AKR1C2: variants seen among roughly 807,000 people sequenced by gnomAD.
The protein encoded by AKR1C2 is aldo-keto reductase family 1 member C2.
In AKR1C2, 27 loss-of-function variants were observed where a neutral mutation model predicts 39.8. The observed-to-expected ratio is 0.68, with a 90% CI of 0.50 to 0.93. The LOEUF is 0.93. Ranked by LOEUF, AKR1C2 falls within the 40% of genes least tolerant of loss-of-function variation. The pLI is 0.00. For synonymous variants in AKR1C2, 114 were observed against 137.9 expected (o/e 0.83, Z 1.22); for missense variants, 263 against 365.1 (o/e 0.72, Z 2.28).
chr10:5,011,575 G>A (rs1280774389), intron 1 of AKR1C2, among the ~76,000 whole-genome samples: 1 of 152,176 alleles, frequency 6.6e-6, no homozygotes, highest in Non-Finnish European at 1.5e-5. Flanking sequence ...CTGGCTGCAC[G>A]CACATTGATC....
Position 4,999,193 on chromosome 10 carries a change from C to T in AKR1C2, c.447+7G>A. The T allele has an allele frequency of 1.2e-6, 2 of 1,604,720 alleles. No homozygotes were observed. The highest frequency in any genetic ancestry group is 2.2e-5 in the East Asian group (1 of 44,766). On this transcript the variant is annotated splice_region_variant and intron_variant, in intron 4 of 8. Transcript: ENST00000380753. ...TCTTATCCGTTCTCTCACCTCCAAA[C>T]ACTCACCTCCCATGTGGCACAGAGA...
In AKR1C2 at chr10:5,012,801, C is replaced by G. The variant is rs1365811180; in HGVS notation, c.-88+5099G>C. 2.0e-5 allele frequency among the ~76,000 whole-genome samples: 3 copies of G among 152,206 alleles called. No individual in the cohort carries two copies. In the East Asian group the frequency reaches 5.8e-4, roughly 29 times the overall value. On this transcript the variant is annotated intron_variant, in intron 1 of 6. Transcript: ENST00000604507. Reference sequence around the variant, plus strand: ...TCAAACGTGATTCAGCAATTCTCATCTCTCTCCTGCATCATCAATTTTTCT... The same window carrying G: ...TCAAACGTGATTCAGCAATTCTCATGTCTCTCCTGCATCATCAATTTTTCT...
chr10:5,017,974 G>A (rs1485412125), upstream of AKR1C2: 1 of 152,010 alleles, frequency 6.6e-6, no homozygotes, highest in East Asian at 1.9e-4. Flanking sequence ...GAGAGAGAGA[G>A]AGAAGGTGGA....
At chr10:4,994,303 A>G (rs1400888345) in intron 7 of AKR1C2, among the ~76,000 whole-genome samples, 1 of 152,064 alleles carries the variant, frequency 6.6e-6, no homozygotes, top group Non-Finnish European at 1.5e-5. Context: ...ATAACTATTG[A>G]TATATTATTT....
Position 4,988,841 on chromosome 10 carries a change from T to G in AKR1C2, c.*1155A>C, listed in dbSNP as rs574604440. On this transcript the variant is annotated 3_prime_UTR_variant, in exon 9 of 9. Coordinates refer to ENST00000380753, the MANE Select transcript of AKR1C2 (RefSeq NM_001393392.1). ...CTTCATGATTAGCTGATTTGATTAGTTCCCCTGAAAATTATGTATAAGAAT... is the reference window on the plus strand; with the variant it reads ...CTTCATGATTAGCTGATTTGATTAGGTCCCCTGAAAATTATGTATAAGAAT... The G allele has an allele frequency of 0.075, 10,823 of 144,590 alleles. 590 individuals are homozygous for G. Among genetic ancestry groups the G allele is most frequent in the African/African-American group, 0.12 (4,818 of 39,456 alleles). 9.0% of individuals were successfully genotyped at this position (144,590 alleles called of 1,614,324 possible). A position where few individuals can be genotyped will look rare whatever the true frequency, so the allele number is the denominator to read the frequency against.
At chr10:4,999,736 T>C (rs562573699) in intron 3 of AKR1C2, 2 of 195,940 alleles carry the variant, frequency 1.0e-5, no homozygotes, top group South Asian at 2.8e-4. Flanking sequence ...TTTTCCAGGC[T>C]AGTTTGGAAA....
intron 4 of AKR1C2, 50 bp downstream of exon 4, chr10:4,999,150 T>C (rs1462572195): frequency 2.7e-6 from 4 of 1,474,928 alleles, no homozygotes; most frequent in Non-Finnish European, 3.7e-6. Context: ...AGGAAACAGA[T>C]GTATCCTACC....
At chr10:5,011,511 G>A (rs371647794) in intron 1 of AKR1C2, among the ~76,000 whole-genome samples, 5 of 152,198 alleles carry the variant, frequency 3.3e-5, no homozygotes, top group East Asian at 3.9e-4. Context: ...CTCTGGTGTA[G>A]GATTTTAGCT....
chr10:5,002,214 T>A (rs1336868582), intron 1 of AKR1C2, among the ~76,000 whole-genome samples: 8 of 152,198 alleles, frequency 5.3e-5, no homozygotes, highest in African/African-American at 1.9e-4. Context: ...ACTGGATACA[T>A]TGACTCACTC....
rs1463942772 is a variant in AKR1C2 at position 5,001,373 on chromosome 10, G to A, written c.252+141C>T. 17 of 1,436,482 alleles carry A rather than the reference G, an allele frequency of 1.2e-5. 1 individual carries two copies. In the South Asian group the frequency reaches 2.5e-4, roughly 21 times the overall value. 89.0% of individuals were successfully genotyped at this position (1,436,482 alleles called of 1,614,324 possible). On this transcript the variant is annotated intron_variant, in intron 2 of 8. Transcript: ENST00000380753. ...TCTTCACTTCCTGCCTTTGATATTA[G>A]TTTTAATACATGAGTAAGTGTGAAT...
At chr10:4,999,411 A>C (rs34371823) in intron 3 of AKR1C2, 134 bp from the exon 4 acceptor site, 2 of 1,591,152 alleles carry the variant, frequency 1.3e-6, no homozygotes, top group Non-Finnish European at 1.7e-6. Context: ...GGTATGTACA[A>C]AGTGTACTAC....
chr10:4,996,841 TAAA>T (rs1326641078), intron 5 of AKR1C2, among the ~76,000 whole-genome samples: 3 of 151,962 alleles, frequency 2.0e-5, no homozygotes, highest in Admixed American at 6.5e-5. Flanking sequence ...AACAAGTGGT[TAAA>T]ATTGTAAATG....
intron 5 of AKR1C2, chr10:4,997,185 C>T (rs1837083990): frequency 6.6e-6 from 1 of 152,172 alleles, no homozygotes. Context: ...ATTTTCTTGC[C>T]CCAAAGTTTT....
chr10:4,989,825 A>T lies in AKR1C2; in HGVS notation c.*171T>A. On this transcript the variant is annotated 3_prime_UTR_variant, in exon 9 of 9. Coordinates refer to ENST00000380753, the MANE Select transcript of AKR1C2 (RefSeq NM_001393392.1). ...TTTAATTTTTTCAAAATGAAAAACA[A>T]AATTATTGTCTTTCTTTTCCGGCCG... 2 of 1,029,924 alleles carry T rather than the reference A, an allele frequency of 1.9e-6. No homozygotes were observed. The highest frequency in any genetic ancestry group is 3.3e-5 in the South Asian group (2 of 61,096). The allele number at this position is 1,029,924 out of a possible 1,614,324, so 63.8% of individuals were successfully genotyped here. A position where few individuals can be genotyped will look rare whatever the true frequency, so the allele number is the denominator to read the frequency against.
chr10:4,999,278 C>A lies in AKR1C2; in HGVS notation c.370-1G>T. The A allele has an allele frequency of 6.3e-7, 1 of 1,596,284 alleles. No homozygotes were observed. The highest frequency in any genetic ancestry group is 8.5e-7 in the Non-Finnish European group (1 of 1,171,110). ...CTTTTGGGATCACTTCCTCACCTGG[C>A]TGAAGTAGAAGCAGTCAGTTTAGTG... On this transcript the variant is annotated splice_acceptor_variant, in intron 3 of 8. Transcript: ENST00000380753. LOFTEE classifies it high-confidence loss of function.
intron 6 of AKR1C2, 120 bp downstream of exon 6, chr10:4,995,636 A>C (rs1588300214): frequency 2.3e-6 from 3 of 1,315,142 alleles, no homozygotes; most frequent in Non-Finnish European, 3.1e-6. Context: ...TCTCGTCAGA[A>C]ATGCAAATTC....
chr10:5,008,383 T>A (rs1325545889), upstream of AKR1C2, among the ~76,000 whole-genome samples: 1 of 151,658 alleles, frequency 6.6e-6, no homozygotes, highest in African/African-American at 2.4e-5. Context: ...GGCCCAAAGC[T>A]CCCCTCCTCT....
At chr10:4,997,142 C>G (rs2854467) in intron 5 of AKR1C2, 112,560 of 152,226 alleles carry the variant, frequency 0.74, 42,254 homozygotes, top group South Asian at 0.84. Flanking sequence ...AGTCTAGTGT[C>G]GTGCAATTTG....
At chr10:5,012,865 T>C (rs1837551982) in intron 1 of AKR1C2, among the ~76,000 whole-genome samples, 1 of 152,246 alleles carries the variant, frequency 6.6e-6, no homozygotes, top group Non-Finnish European at 1.5e-5. Context: ...ATAGGCATGC[T>C]GTTTTTTCTG....
Sources: gnomAD v4.1 joint callset for allele counts (sites outside exome capture counted in the v4.1 genomes callset) on GRCh38, gnomAD v4.1.1 for gene constraint, MANE v1.5 for transcripts, NCBI Gene and HGNC (gene_info 2026-07-23, HGNC 2026-07-21) for gene names.